The following WDR44 variants were observed in gnomAD, a reference collection of about 807,000 sequenced individuals.
WDR44 encodes the protein WD repeat domain 44.
A neutral mutation model predicts 65.7 loss-of-function variants in WDR44; 9 were observed. The observed-to-expected ratio is 0.14, with a 90% CI of 0.08 to 0.24. The LOEUF (loss-of-function observed/expected upper bound fraction) is 0.24, where lower values mean the gene tolerates loss of function less well. Ranked by LOEUF, WDR44 falls within the 10% of genes least tolerant of loss-of-function variation. The pLI is 1.00. For synonymous variants in WDR44, 220 were observed against 235.2 expected (o/e 0.94, Z 0.59); for missense variants, 425 against 670.9 (o/e 0.63, Z 4.05).
chrX:118,426,251 A>G (rs1014382729), intron 12 of WDR44, among the ~76,000 whole-genome samples: 3 of 111,659 alleles, frequency 2.7e-5, no homozygotes, highest in African/African-American at 6.5e-5. Context: ...CTTGCTTTCA[A>G]TGCTGCAGCA....
chrX:118,349,967 T>C (rs1241007085), intron 1 of WDR44, among the ~76,000 whole-genome samples: 1 of 110,014 alleles, frequency 9.1e-6, no homozygotes, highest in Non-Finnish European at 1.9e-5. Context: ...TTTTTTTTTT[T>C]TCCTGTGGAG....
intron 2 of WDR44, 25 bp downstream of exon 2, chrX:118,378,477 T>C (rs759122496): frequency 1.7e-5 from 20 of 1,183,357 alleles, no homozygotes; most frequent in South Asian, 1.7e-4. Context: ...CTGAAAGTTA[T>C]GTTTTTAGAA....
chrX:118,357,436 G>T (rs5956953), intron 1 of WDR44, among the ~76,000 whole-genome samples: 17,620 of 111,226 alleles, frequency 0.16, 2,502 homozygotes, highest in African/African-American at 0.44. Context: ...TTGGTGATGA[G>T]CAGTGAACTC....
chrX:118,396,424 A>G (rs2056866573), intron 6 of WDR44, among the ~76,000 whole-genome samples: 1 of 112,476 alleles, frequency 8.9e-6, no homozygotes, highest in Admixed American at 9.5e-5. Flanking sequence ...CACTGATTGG[A>G]TGGATAAATA....
intron 1 of WDR44, among the ~76,000 whole-genome samples, chrX:118,362,016 C>T (rs2056516758): frequency 8.9e-6 from 1 of 111,883 alleles, no homozygotes; most frequent in Non-Finnish European, 1.9e-5. Flanking sequence ...CAAGACAGTA[C>T]AAGTAGCTTC....
At chrX:118,378,844 G>A (rs1304583546) in intron 2 of WDR44, among the ~76,000 whole-genome samples, 1 of 101,148 alleles carries the variant, frequency 9.9e-6, no homozygotes, top group Non-Finnish European at 2.0e-5. Flanking sequence ...CACCAGCCTG[G>A]CCAACATGGT....
chrX:118,367,377 A>G (rs1424516322), intron 1 of WDR44, among the ~76,000 whole-genome samples: 1 of 111,564 alleles, frequency 9.0e-6, no homozygotes, highest in Admixed American at 9.6e-5. Context: ...AGCTAAAATT[A>G]TAGCTCTTGT....
At chrX:118,431,015 GT>G (rs763416808) in intron 12 of WDR44, among the ~76,000 whole-genome samples, 1 of 111,649 alleles carries the variant, frequency 9.0e-6, no homozygotes, top group African/African-American at 3.3e-5. Context: ...ATGTGAAGAT[GT>G]TTTTTATAAA....
At chrX:118,360,773 A>G (rs1279052191) in intron 1 of WDR44, among the ~76,000 whole-genome samples, 1 of 112,127 alleles carries the variant, frequency 8.9e-6, no homozygotes, top group African/African-American at 3.2e-5. Flanking sequence ...TTTCTTTATA[A>G]CAAAGGATAG....
chrX:118,447,012 C>T (rs985403124), intron 19 of WDR44: 10 of 309,966 alleles, frequency 3.2e-5, no homozygotes, highest in African/African-American at 1.1e-4. Context: ...TAGGACTACA[C>T]GTACTACCAT....
chrX:118,439,616 A>G (rs928047283), intron 14 of WDR44, among the ~76,000 whole-genome samples: 1 of 111,032 alleles, frequency 9.0e-6, no homozygotes, highest in Non-Finnish European at 1.9e-5. Flanking sequence ...ACATACATAG[A>G]TGTATGTATG....
At chrX:118,369,204 CT>C (rs1230977024) in intron 1 of WDR44, among the ~76,000 whole-genome samples, 1 of 111,234 alleles carries the variant, frequency 9.0e-6, no homozygotes, top group Non-Finnish European at 1.9e-5. Context: ...CAGAGTCTCA[CT>C]CTTTCACCCA....
At chrX:118,398,655 A>G (rs1405856203) in intron 8 of WDR44, among the ~76,000 whole-genome samples, 185 bp downstream of exon 8, 1 of 112,639 alleles carries the variant, frequency 8.9e-6, no homozygotes, top group Non-Finnish European at 1.9e-5. Context: ...GGCTGGGCGC[A>G]ATGGCTCACG....
intron 1 of WDR44, among the ~76,000 whole-genome samples, chrX:118,363,383 A>G (rs1272407786): frequency 9.8e-6 from 1 of 101,644 alleles, no homozygotes; most frequent in Non-Finnish European, 2.0e-5. Flanking sequence ...CCTGGGAGAT[A>G]AGAGTGAAAC....
At chrX:118,418,040 GT>G (rs1039437268) in intron 12 of WDR44, among the ~76,000 whole-genome samples, 6 of 110,482 alleles carry the variant, frequency 5.4e-5, no homozygotes, top group African/African-American at 1.6e-4. Context: ...AGTTTTTATT[GT>G]TTTTTTTCTT....
At chrX:118,353,832 G>A (rs747951375) in intron 1 of WDR44, among the ~76,000 whole-genome samples, 1 of 112,191 alleles carries the variant, frequency 8.9e-6, no homozygotes, top group South Asian at 3.7e-4. Flanking sequence ...TTGATCATCA[G>A]CAGCTACCAA....
intron 12 of WDR44, among the ~76,000 whole-genome samples, chrX:118,430,156 CAA>C (rs1421151538): frequency 9.3e-6 from 1 of 107,151 alleles, no homozygotes; most frequent in East Asian, 2.9e-4. Flanking sequence ...TGAAGAGAGA[CAA>C]AACGTTAGCA....
intron 14 of WDR44, 136 bp from the exon 15 acceptor site, chrX:118,441,232 T>A: frequency 1.8e-6 from 1 of 545,169 alleles, no homozygotes; most frequent in Non-Finnish European, 2.9e-6. Flanking sequence ...GTGCTAGGAT[T>A]ATAGGCGTGA....
chrX:118,352,044 A>G (rs2056408925), intron 1 of WDR44, among the ~76,000 whole-genome samples: 1 of 109,487 alleles, frequency 9.1e-6, no homozygotes, highest in African/African-American at 3.3e-5. Context: ...TTGGGGGCTC[A>G]AGTTGAATCT....
Sources: allele counts gnomAD v4.1 joint callset (sites outside exome capture counted in the v4.1 genomes callset), GRCh38; gene constraint gnomAD v4.1.1; transcripts MANE v1.5; gene names NCBI Gene and HGNC (gene_info 2026-07-23, HGNC 2026-07-21).